Variants in REPS1 observed in about 807,000 individuals in gnomAD.
REPS1 encodes the protein RALBP1 associated Eps domain containing 1, also known as ralBP1-associated Eps domain-containing protein 1.
REPS1 carries 39 observed loss-of-function variants against 100.9 expected under a neutral mutation model. That is an observed-to-expected ratio of 0.39 (90% confidence interval 0.30 to 0.50). The LOEUF is 0.50. Among genes scored for constraint, REPS1 ranks in the 20% least tolerant of loss-of-function variants. REPS1 has a pLI of 0.86. For missense variants in REPS1, 821 were observed against 968.5 expected, an observed-to-expected ratio of 0.85 and a Z score of 2.02; for synonymous variants, 324 against 340.3, an observed-to-expected ratio of 0.95 and a Z score of 0.53.
intron 12 of REPS1, among the ~76,000 whole-genome samples, chr6:138,918,666 T>C (rs1046160649): frequency 6.6e-6 from 1 of 152,204 alleles, no homozygotes; most frequent in African/African-American, 2.4e-5. Flanking sequence ...TAAAAGTAAT[T>C]TTAAAATTGT....
Position 138,941,316 on chromosome 6 carries a change from C to T in REPS1, c.1135+19G>A. ...TTTATCAAGGCATGCAAACAGCTCT[C>T]TTCAGCTCCCAATCTTACCTGCTGA... On this transcript the variant is annotated intron_variant, in intron 8 of 19. Coordinates refer to ENST00000450536, the MANE Select transcript of REPS1 (RefSeq NM_001286611.2). 6.2e-7 allele frequency: 1 copy of T among 1,613,388 alleles called. No individual in the cohort carries two copies. The highest frequency in any genetic ancestry group is 8.5e-7 in the Non-Finnish European group (1 of 1,179,604).
intron 1 of REPS1, among the ~76,000 whole-genome samples, chr6:138,983,167 T>C (rs1044257531): frequency 1.3e-5 from 2 of 152,198 alleles, no homozygotes; most frequent in African/African-American, 2.4e-5. Context: ...TTATCTGCTA[T>C]CAAGTTCTTA....
chr6:138,978,284 T>C (rs1784710672), intron 1 of REPS1, among the ~76,000 whole-genome samples: 2 of 150,554 alleles, frequency 1.3e-5, no homozygotes, highest in Non-Finnish European at 2.9e-5. Context: ...ATTTGTTTCT[T>C]TTCCTTTTCT....
chr6:138,941,258 A>G (rs1562537789), intron 8 of REPS1, 77 bp downstream of exon 8: 1 of 1,476,542 alleles, frequency 6.8e-7, no homozygotes, highest in African/African-American at 1.4e-5. Context: ...GTTAACCTCT[A>G]TCTTGATTTT....
rs1785380833 is a variant in REPS1 at position 138,988,001 on chromosome 6, C to T, written c.-319G>A. 2.0e-5 allele frequency: 8 copies of T among 394,524 alleles called. No homozygotes were observed. Among genetic ancestry groups the T allele is most frequent in the Non-Finnish European group, 3.6e-5 (8 of 223,596 alleles). The allele number at this position is 394,524 out of a possible 1,614,324, so 24.4% of individuals were successfully genotyped here. A position where few individuals can be genotyped will look rare whatever the true frequency, so the allele number is the denominator to read the frequency against. ...GAGAAAGAGGCGGGGGCCGCGGAGGCGCGAGGCACTGGCGGACTCCGCCCC... is the reference window on the plus strand; with the variant it reads ...GAGAAAGAGGCGGGGGCCGCGGAGGTGCGAGGCACTGGCGGACTCCGCCCC... On this transcript the variant is annotated 5_prime_UTR_variant, in exon 1 of 20. Coordinates refer to ENST00000450536, the MANE Select transcript of REPS1 (RefSeq NM_001286611.2).
chr6:138,980,673 T>C (rs961830106), intron 1 of REPS1, among the ~76,000 whole-genome samples: 2 of 76,394 alleles, frequency 2.6e-5, no homozygotes, highest in South Asian at 5.3e-4. Flanking sequence ...CCTTTTTTTT[T>C]TGTGGGTGGG....
intron 7 of REPS1, among the ~76,000 whole-genome samples, chr6:138,943,078 T>C (rs1450900491): frequency 6.6e-6 from 1 of 152,244 alleles, no homozygotes; most frequent in Non-Finnish European, 1.5e-5. Flanking sequence ...AATTTGTGAT[T>C]ACACTTTGTG....
chr6:138,955,457 A>AAGTGTGTGTGAGT (rs10689184), intron 1 of REPS1, among the ~76,000 whole-genome samples: 1 of 90,720 alleles, frequency 1.1e-5, no homozygotes, highest in Non-Finnish European at 2.0e-5. Flanking sequence ...AAAAAAAAAA[A>AAGTGTGTGTGAGT]GTGTGTGTGT....
intron 1 of REPS1, among the ~76,000 whole-genome samples, chr6:138,953,251 CA>C (rs1562550631): frequency 6.6e-6 from 1 of 152,054 alleles, no homozygotes. Flanking sequence ...TAGAAGAAAA[CA>C]GACAGGAAAT....
rs150102421 is a variant in REPS1, at chr6:138,930,615, A to C, written c.1136-517T>G. ...ATCACTTTTTTTTTTCCAGACACAC[A>C]TCCTTTTCATCAAATAAAATCCTTC... On this transcript the variant is annotated intron_variant, in intron 8 of 19. Transcript: ENST00000450536. Among the ~76,000 whole-genome samples, 24 of 152,224 alleles carry C rather than the reference A, an allele frequency of 1.6e-4. No homozygotes were observed. In the East Asian group the frequency reaches 4.6e-3, roughly 29 times the overall value.
chr6:138,928,913 G>A (rs1375314359), intron 9 of REPS1: 1 of 152,126 alleles, frequency 6.6e-6, no homozygotes, highest in Non-Finnish European at 1.5e-5. Flanking sequence ...TAGGATGGAT[G>A]GTGTGATGTT....
intron 17 of REPS1, chr6:138,909,031 A>G (rs533069394): frequency 7.1e-5 from 36 of 509,676 alleles, no homozygotes; most frequent in African/African-American, 5.2e-4. Context: ...TGTACCTGCA[A>G]TATAAGTATT....
intron 8 of REPS1, among the ~76,000 whole-genome samples, chr6:138,940,342 AATTT>A (rs1290432741): frequency 6.6e-6 from 1 of 152,200 alleles, no homozygotes; most frequent in African/African-American, 2.4e-5. Flanking sequence ...TGAAGACAGT[AATTT>A]ATTTTAATTA....
chr6:138,956,989 G>A (rs1157458447), intron 1 of REPS1, among the ~76,000 whole-genome samples: 1 of 151,288 alleles, frequency 6.6e-6, no homozygotes, highest in African/African-American at 2.4e-5. Context: ...AGATAAAATA[G>A]AGAAAAATGT....
At chr6:138,915,003 T>C (rs1780256600) in intron 14 of REPS1, 1 of 471,368 alleles carries the variant, frequency 2.1e-6, no homozygotes, top group Admixed American at 4.0e-5. Flanking sequence ...GGCATACTCC[T>C]GCCTATTCCC....
chr6:138,927,697 C>T (rs1184855253), intron 9 of REPS1: 5 of 152,204 alleles, frequency 3.3e-5, no homozygotes, highest in South Asian at 2.1e-4. Flanking sequence ...AATAATTCAA[C>T]GACTTTTCCT....
At chr6:138,950,175 C>T (rs1782922673) in intron 1 of REPS1, among the ~76,000 whole-genome samples, 1 of 152,024 alleles carries the variant, frequency 6.6e-6, no homozygotes, top group African/African-American at 2.4e-5. Flanking sequence ...TGATCCTCCT[C>T]AATAGTTAAC....
intron 1 of REPS1, among the ~76,000 whole-genome samples, chr6:138,958,866 T>C (rs1355741494): frequency 6.6e-6 from 1 of 152,158 alleles, no homozygotes; most frequent in South Asian, 2.1e-4. Context: ...TTTAAAACTA[T>C]AAAACAAGAA....
intron 1 of REPS1, among the ~76,000 whole-genome samples, chr6:138,971,759 GGA>G (rs1157554743): frequency 6.6e-6 from 1 of 152,044 alleles, no homozygotes; most frequent in Non-Finnish European, 1.5e-5. Flanking sequence ...ATTGGGGTGG[GGA>G]GAGAGTACCC....
Sources: gnomAD v4.1 joint callset for allele counts (sites outside exome capture counted in the v4.1 genomes callset) on GRCh38, gnomAD v4.1.1 for gene constraint, MANE v1.5 for transcripts, NCBI Gene and HGNC (gene_info 2026-07-23, HGNC 2026-07-21) for gene names.